Variants in NUP155 observed in about 807,000 individuals in gnomAD.
NUP155 encodes nucleoporin 155.
A neutral mutation model predicts 180.4 loss-of-function variants in NUP155; 71 were observed. The observed-to-expected ratio is 0.39, with a 90% CI of 0.33 to 0.48. NUP155 has a LOEUF of 0.48. Ranked by LOEUF, NUP155 falls within the 20% of genes least tolerant of loss-of-function variation. The pLI is 0.91. For synonymous variants in NUP155, 582 were observed against 559.5 expected, an observed-to-expected ratio of 1.04 and a Z score of -0.57; for missense variants, 1,553 against 1,648.9, an observed-to-expected ratio of 0.94 and a Z score of 1.01.
intron 11 of NUP155, among the ~76,000 whole-genome samples, chr5:37,339,236 G>A (rs1012086624): frequency 4.0e-5 from 6 of 151,148 alleles, no homozygotes; most frequent in Admixed American, 2.6e-4. Flanking sequence ...TGCTTGAGCC[G>A]GGGAGGTAGA....
chr5:37,315,775 T>C (rs1743845538), intron 21 of NUP155, among the ~76,000 whole-genome samples: 1 of 152,044 alleles, frequency 6.6e-6, no homozygotes, highest in Non-Finnish European at 1.5e-5. Context: ...AAACCCCAAC[T>C]ATACTAAAAA....
At position 37,364,355 on chromosome 5, in the gene NUP155, T is replaced by C. The variant is rs764471664; in HGVS notation, c.187A>G (p.Met63Val). The C allele has an allele frequency of 4.3e-6, 7 of 1,611,600 alleles. No homozygotes were observed. Among genetic ancestry groups the C allele is most frequent in the African/African-American group, 2.7e-5 (2 of 74,870 alleles). Residue 63 changes from methionine to valine, a missense_variant, in exon 2 of 35, where the codon ATG becomes GTG. Met to Val is a conservative substitution (Grantham distance 21). Coordinates refer to ENST00000231498, the MANE Select transcript of NUP155 (RefSeq NM_153485.3). The stretch of plus-strand genomic sequence containing the variant: ...CCAGGTCCTTGCAAAGGATAATCCA[T>C]ATCTGACATGCCAGAAACGGTGGGA... ...NNPTVSGMSD[M>V]DYPLQGPGLL...
At chr5:37,369,459 A>C (rs556521951) in intron 1 of NUP155, among the ~76,000 whole-genome samples, 1 of 152,330 alleles carries the variant, frequency 6.6e-6, no homozygotes, top group African/African-American at 2.4e-5. Context: ...ATTGGATGGA[A>C]AAGAAGGGGA....
At chr5:37,364,426 A>G (rs1258303764) in intron 1 of NUP155, 42 bp from the exon 2 acceptor site, 1 of 1,583,958 alleles carries the variant, frequency 6.3e-7, no homozygotes, top group Admixed American at 1.7e-5. Flanking sequence ...TGTACTGCTC[A>G]TCAACCGGGC....
rs1744552927 is a variant in NUP155, at chr5:37,325,754, G to A, written c.2091+147C>T. On this transcript the variant is annotated intron_variant, in intron 19 of 34. Transcript: ENST00000231498. ...ACTGCACTCCAGCCTGGGAGACAGA[G>A]CAGGACTCTGTCTCAAAAAAAAAAA... 3 of 576,020 alleles carry A rather than the reference G, an allele frequency of 5.2e-6. No individual in the cohort carries two copies. In the East Asian group the frequency reaches 8.9e-5, roughly 17 times the overall value. The allele number at this position is 576,020 out of a possible 1,614,324, so 35.7% of individuals were successfully genotyped here.
chr5:37,348,110 G>A (rs1194502615), intron 9 of NUP155, among the ~76,000 whole-genome samples: 2 of 151,982 alleles, frequency 1.3e-5, no homozygotes, highest in Non-Finnish European at 2.9e-5. Flanking sequence ...CTCCCGCCTG[G>A]GCAACAAGAG....
rs1335975724 is a variant in NUP155, at chr5:37,291,809, TTACA to T, written c.*87_*90del. On this transcript the variant is annotated 3_prime_UTR_variant, in exon 35 of 35. Transcript: ENST00000231498. ...AAACATATTTCTATTAAGATTGTTC[TTACA>T]TTCTTAGATTTAGAACACCTGATAT... The T allele has an allele frequency of 1.5e-5, 18 of 1,173,198 alleles. No individual in the cohort carries two copies. The African/African-American group carries it at 2.6e-4, about 17-fold the overall frequency. The allele number at this position is 1,173,198 out of a possible 1,614,324, so 72.7% of individuals were successfully genotyped here. A position where few individuals can be genotyped will look rare whatever the true frequency, so the allele number is the denominator to read the frequency against.
At chr5:37,323,522 AAT>A (rs1416782550) in intron 20 of NUP155, among the ~76,000 whole-genome samples, 10 of 151,852 alleles carry the variant, frequency 6.6e-5, no homozygotes, top group African/African-American at 2.2e-4. Flanking sequence ...CATGTATATA[AAT>A]ATGTCTATAA....
intron 24 of NUP155, among the ~76,000 whole-genome samples, chr5:37,308,193 T>G (rs906885629): frequency 1.3e-5 from 2 of 152,058 alleles, no homozygotes; most frequent in African/African-American, 2.4e-5. Context: ...ATAAATGTAA[T>G]CCAGAAAGCA....
chr5:37,333,514 A>T lies in NUP155; in HGVS notation c.1467T>A (p.Val489=). The change falls in exon 13 of 35, where the codon GTT becomes GTA. Residue 489 remains valine, a synonymous_variant. Coordinates refer to ENST00000231498, the MANE Select transcript of NUP155 (RefSeq NM_153485.3). The stretch of plus-strand genomic sequence containing the variant: ...TCGGAGGTAACATGTGCTGCTGTAC[A>T]ACAACTGGTGAATCAGTTATTGGAA... ...DHIPITDSPV[V]VQQHMLPPKK... 1.2e-6 allele frequency: 2 copies of T among 1,614,140 alleles called. No homozygotes were observed. The highest frequency in any genetic ancestry group is 1.7e-6 in the Non-Finnish European group (2 of 1,179,962).
At chr5:37,301,415 AT>A in intron 30 of NUP155, 21 bp downstream of exon 30, 1 of 1,537,904 alleles carries the variant, frequency 6.5e-7, no homozygotes, top group Admixed American at 1.7e-5. Context: ...TACTATAAAA[AT>A]TTCACTTGCT....
intron 13 of NUP155, 45 bp downstream of exon 13, chr5:37,333,418 T>C: frequency 6.6e-7 from 1 of 1,522,276 alleles, no homozygotes. Flanking sequence ...AAAAATATTA[T>C]ACATCGCTTA....
intron 22 of NUP155, among the ~76,000 whole-genome samples, chr5:37,310,999 C>G (rs758221463): frequency 6.6e-6 from 1 of 152,122 alleles, no homozygotes; most frequent in Non-Finnish European, 1.5e-5. Flanking sequence ...AGAGCCAAAA[C>G]TAGAGTCAGA....
chr5:37,317,688 CTTT>C (rs374997987), intron 21 of NUP155, among the ~76,000 whole-genome samples: 3 of 131,296 alleles, frequency 2.3e-5, no homozygotes, highest in African/African-American at 8.6e-5. Flanking sequence ...CCCAATCACA[CTTT>C]TTTTTTTTTT....
chr5:37,369,358 A>T (rs6898703), intron 1 of NUP155, among the ~76,000 whole-genome samples: 1 of 152,226 alleles, frequency 6.6e-6, no homozygotes, highest in African/African-American at 2.4e-5. Flanking sequence ...AGAAACAATA[A>T]AAGTAAGATA....
At chr5:37,359,780 T>C (rs891927663) in intron 3 of NUP155, among the ~76,000 whole-genome samples, 2 of 152,076 alleles carry the variant, frequency 1.3e-5, no homozygotes, top group Non-Finnish European at 2.9e-5. Context: ...GAATCCAAAC[T>C]ATCAGACAAG....
Position 37,331,770 on chromosome 5 carries a change from C to T in NUP155, c.1544G>A (p.Arg515Lys). The T allele has an allele frequency of 6.2e-7, 1 of 1,610,254 alleles. No individual in the cohort carries two copies. The highest frequency in any genetic ancestry group is 2.2e-5 in the East Asian group (1 of 44,830). Residue 515 changes from arginine to lysine, a missense_variant, in exon 14 of 35, where the codon AGA becomes AAA. Coordinates refer to ENST00000231498, the MANE Select transcript of NUP155 (RefSeq NM_153485.3). ...AQGSLMFHKLRPVDQLRHLLV... is the reference protein window; with the variant it reads ...AQGSLMFHKLKPVDQLRHLLV... ...TAGATGCCTCAGTTGATCTACAGGT[C>T]TAAGTTTATGAAACATAAGGCTCCC...
chr5:37,353,063 C>T (rs557891932), intron 4 of NUP155, among the ~76,000 whole-genome samples: 1 of 151,818 alleles, frequency 6.6e-6, no homozygotes, highest in Admixed American at 6.6e-5. Context: ...GGAAAAGAAC[C>T]ACCTTAGAAA....
In NUP155 at chr5:37,305,230, G is replaced by T. The variant is rs779997731; in HGVS notation, c.2904-20C>A. The T allele has an allele frequency of 1.9e-6, 3 of 1,595,098 alleles. No homozygotes were observed. The highest frequency in any genetic ancestry group is 1.7e-5 in the Admixed American group (1 of 59,966). ...TTTAATCTGAAAGAAAATGGAAAAG[G>T]AACAATTACATTATTTAACTAGAAA... On this transcript the variant is annotated intron_variant, in intron 25 of 34. Coordinates refer to ENST00000231498, the MANE Select transcript of NUP155 (RefSeq NM_153485.3).
Sources: gnomAD v4.1 joint callset for allele counts (sites outside exome capture counted in the v4.1 genomes callset) on GRCh38, gnomAD v4.1.1 for gene constraint, MANE v1.5 for transcripts, NCBI Gene and HGNC (gene_info 2026-07-23, HGNC 2026-07-21) for gene names.